Variants in PDZK1 observed in about 807,000 individuals in gnomAD.
PDZK1 encodes Na(+)/H(+) exchange regulatory cofactor NHE-RF3.
A neutral mutation model predicts 38.1 loss-of-function variants in PDZK1; 23 were observed. That is an observed-to-expected ratio of 0.60 (90% CI 0.43 to 0.85). The LOEUF (loss-of-function observed/expected upper bound fraction) is 0.85, where lower values mean the gene tolerates loss of function less well. Ranked by LOEUF, PDZK1 falls within the 40% of genes least tolerant of loss-of-function variation. The pLI, the probability that PDZK1 is intolerant of heterozygous loss-of-function variation, is 0.00. For missense variants in PDZK1, 297 were observed against 504.3 expected (o/e 0.59, Z 3.94); for synonymous variants, 98 against 186.2 (o/e 0.53, Z 3.86).
chr1:145,681,426 G>A (rs1162004204), intron 4 of PDZK1, among the ~76,000 whole-genome samples: 89 of 149,104 alleles, frequency 6.0e-4, no homozygotes, highest in Admixed American at 1.1e-3. Context: ...GGGACTACAG[G>A]TGCCCGCCAC....
intron 1 of PDZK1, among the ~76,000 whole-genome samples, chr1:145,698,553 AT>A (rs1161313606): frequency 1.3e-5 from 2 of 152,134 alleles, no homozygotes; most frequent in Non-Finnish European, 2.9e-5. Flanking sequence ...GTTCCCATGG[AT>A]TTTTCTTACA....
chr1:145,675,112 T>C (rs1177127491), intron 6 of PDZK1, among the ~76,000 whole-genome samples: 1 of 151,224 alleles, frequency 6.6e-6, no homozygotes, highest in Non-Finnish European at 1.5e-5. Flanking sequence ...CCAACATCTT[T>C]AAATACTCCT....
chr1:145,684,295 G>A lies in PDZK1; in HGVS notation c.461-1659C>T, dbSNP rs1253914904. Among the ~76,000 whole-genome samples the A allele has an allele frequency of 1.0e-4, 14 of 139,452 alleles. No homozygotes were observed. In the East Asian group the frequency reaches 2.5e-3, roughly 25 times the overall value. The allele number at this position is 139,452 out of a possible 152,430, so 91.5% of individuals were successfully genotyped here. A position where few individuals can be genotyped will look rare whatever the true frequency, so the allele number is the denominator to read the frequency against. On this transcript the variant is annotated intron_variant, in intron 3 of 8. Coordinates refer to ENST00000417171, the MANE Select transcript of PDZK1 (RefSeq NM_001201325.2). ...GCAATCTGAGCTCACTGCAACCTCCGCCTCCCGGGTTCACACCATTCTCCT... is the reference window on the plus strand; with the variant it reads ...GCAATCTGAGCTCACTGCAACCTCCACCTCCCGGGTTCACACCATTCTCCT...
At chr1:145,701,678 C>T (rs1030546715) in intron 1 of PDZK1, among the ~76,000 whole-genome samples, 13 of 152,190 alleles carry the variant, frequency 8.5e-5, no homozygotes, top group South Asian at 2.1e-4. Context: ...TCACACCAGC[C>T]ATGGCTGGCC....
intron 1 of PDZK1, among the ~76,000 whole-genome samples, chr1:145,702,759 G>C (rs921641902): frequency 1.8e-4 from 27 of 152,148 alleles, no homozygotes; most frequent in African/African-American, 6.3e-4. Context: ...TGGGTGTGGT[G>C]GCGGACGCCT....
intron 6 of PDZK1, among the ~76,000 whole-genome samples, chr1:145,677,910 TAAAAAAAAAAAA>T (rs71077285): frequency 2.9e-5 from 2 of 68,588 alleles, no homozygotes; most frequent in East Asian, 5.0e-4. Flanking sequence ...GTGTTAAAAG[TAAAAAAAAAAAA>T]AAAAAAAAAA....
chr1:145,685,257 C>T (rs1442581835), intron 3 of PDZK1, among the ~76,000 whole-genome samples: 3 of 151,990 alleles, frequency 2.0e-5, no homozygotes, highest in African/African-American at 7.3e-5. Context: ...GGCAAGGGAT[C>T]GCTTGCTAAT....
chr1:145,671,781 A>G, intron 8 of PDZK1: 1 of 341,926 alleles, frequency 2.9e-6, no homozygotes, highest in Non-Finnish European at 5.6e-6. Context: ...TGACACATTA[A>G]CAAATTCCTT....
rs188005100 is a variant in PDZK1 at position 145,700,204 on chromosome 1, G to A, written c.-3+7113C>T. On this transcript the variant is annotated intron_variant, in intron 1 of 8. Coordinates refer to ENST00000417171, the MANE Select transcript of PDZK1 (RefSeq NM_001201325.2). ...CGAAGCTAATTTTAGCTGCTGAAAA[G>A]TCAGGGCTGGAGATTTTGTTCCCCA... is the stretch of plus-strand genomic sequence containing the variant. Among the ~76,000 whole-genome samples, 10 of 152,312 alleles carry A rather than the reference G, an allele frequency of 6.6e-5. No individual in the cohort carries two copies. In the East Asian group the frequency reaches 1.5e-3, roughly 23 times the overall value.
At position 145,681,429 on chromosome 1, in the gene PDZK1, C is replaced by G. The variant is rs186652673; in HGVS notation, c.598-322G>C. Among the ~76,000 whole-genome samples the G allele has an allele frequency of 5.6e-3, 834 of 149,312 alleles. 18 individuals are homozygous for G. Among genetic ancestry groups the G allele is most frequent in the Middle Eastern group, 0.01 (3 of 292 alleles). ...TCCCGAGTACCTGGGACTACAGGTG[C>G]CCGCCACCGCACCTGGCTAAATTTT... is the stretch of plus-strand genomic sequence containing the variant. On this transcript the variant is annotated intron_variant, in intron 4 of 8. Coordinates refer to ENST00000417171, the MANE Select transcript of PDZK1 (RefSeq NM_001201325.2).
rs587749638 is a variant in PDZK1 at position 145,673,095 on chromosome 1, G to A, written c.1216-75C>T. On this transcript the variant is annotated intron_variant, in intron 7 of 8. Transcript: ENST00000417171. ...CAGACTAGCTCTCCTTAAGAGAATA[G>A]ATGAGGAGCTCAAGAATTTATTTTT... 3.2e-4 allele frequency: 442 copies of A among 1,399,008 alleles called. 9 individuals are homozygous for A. In the South Asian group the frequency reaches 4.9e-3, roughly 15 times the overall value. The allele number at this position is 1,399,008 out of a possible 1,614,324, so 86.7% of individuals were successfully genotyped here.
At chr1:145,674,190 A>T (rs587716718) in intron 6 of PDZK1, 1 of 985,442 alleles carries the variant, frequency 1.0e-6, no homozygotes, top group African/African-American at 1.7e-5. Context: ...GAGTGAGTTC[A>T]TGATAGTGAG....
rs1165809862 is a variant in PDZK1 at position 145,675,437 on chromosome 1, T to C, written c.991-1556A>G. 7.8e-4 allele frequency among the ~76,000 whole-genome samples: 111 copies of C among 141,922 alleles called. 2 individuals carry two copies. The East Asian group carries it at 0.019, about 24-fold the overall frequency. The allele number at this position is 141,922 out of a possible 152,430, so 93.1% of individuals were successfully genotyped here. On this transcript the variant is annotated intron_variant, in intron 6 of 8. Transcript: ENST00000417171. The stretch of plus-strand genomic sequence containing the variant: ...CTGACTAAAATTAGATTTTTAGTCC[T>C]CTGGTTATCATGTGTCTTACTAACC...
chr1:145,699,000 G>T (rs1559078851), intron 1 of PDZK1, among the ~76,000 whole-genome samples: 1 of 151,932 alleles, frequency 6.6e-6, no homozygotes, highest in Non-Finnish European at 1.5e-5. Flanking sequence ...CACTTTTGGA[G>T]GCCGAGGCAG....
intron 6 of PDZK1, chr1:145,674,326 C>T (rs1337028764): frequency 2.2e-6 from 2 of 920,678 alleles, no homozygotes; most frequent in Non-Finnish European, 2.6e-6. Flanking sequence ...CTTCAGAGCT[C>T]CTTAAACACA....
chr1:145,698,855 C>T (rs1553704586), intron 1 of PDZK1, among the ~76,000 whole-genome samples: 1 of 152,032 alleles, frequency 6.6e-6, no homozygotes, highest in Non-Finnish European at 1.5e-5. Flanking sequence ...TTGCTTGAAC[C>T]CGGGAGGCGG....
At chr1:145,702,030 G>C (rs1469878933) in intron 1 of PDZK1, among the ~76,000 whole-genome samples, 2 of 152,192 alleles carry the variant, frequency 1.3e-5, no homozygotes, top group African/African-American at 2.4e-5. Context: ...CATTGTGATA[G>C]TTACTGTTTG....
chr1:145,694,346 T>A (rs1393828274), intron 1 of PDZK1, among the ~76,000 whole-genome samples: 1 of 152,214 alleles, frequency 6.6e-6, no homozygotes, highest in African/African-American at 2.4e-5. Context: ...TCTCTTCCCT[T>A]TCCCAAACAA....
At chr1:145,684,353 C>T (rs1447820585) in intron 3 of PDZK1, among the ~76,000 whole-genome samples, 4 of 151,970 alleles carry the variant, frequency 2.6e-5, no homozygotes, top group East Asian at 3.9e-4. Context: ...GGACTACAGG[C>T]GCCCACCACC....
Sources: gnomAD v4.1 joint callset for allele counts (sites outside exome capture counted in the v4.1 genomes callset) on GRCh38, gnomAD v4.1.1 for gene constraint, MANE v1.5 for transcripts, NCBI Gene and HGNC (gene_info 2026-07-23, HGNC 2026-07-21) for gene names.